MTRR: variants seen among roughly 807,000 people sequenced by gnomAD.
MTRR encodes methionine synthase reductase.
MTRR carries 63 observed loss-of-function variants against 79.2 expected under a neutral mutation model. That is an observed-to-expected ratio of 0.80 (90% confidence interval 0.65 to 0.98). MTRR has a LOEUF of 0.98. MTRR is among the 50% of genes least tolerant of loss of function. MTRR has a pLI of 0.00. For missense variants in MTRR, 895 were observed against 839.6 expected, an observed-to-expected ratio of 1.07 and a Z score of -0.82; for synonymous variants, 355 against 313.3, an observed-to-expected ratio of 1.13 and a Z score of -1.41.
intron 5 of MTRR, among the ~76,000 whole-genome samples, chr5:7,881,305 A>C (rs550636921): frequency 3.3e-5 from 5 of 152,116 alleles, no homozygotes; most frequent in South Asian, 2.1e-4. Context: ...TAGCTAGCCC[A>C]GTGCTTTAGT....
rs1240904766 is a variant in MTRR, at chr5:7,883,259, G to A, written c.885G>A (p.Leu295=). 1 of 1,614,092 alleles carries A rather than the reference G, an allele frequency of 6.2e-7. No homozygotes were observed. The highest frequency in any genetic ancestry group is 8.5e-7 in the Non-Finnish European group (1 of 1,180,046). The part of the protein sequence containing the change: ...TTNDAIKTTL[L]VELDISNTDF... ...ATGATGCCATAAAAACCACTCTGCT[G>A]GTAGAATTGGACATTTCAGTAAGTT... Residue 295 remains leucine (L), a synonymous_variant, in exon 6 of 15, where the codon CTG becomes CTA. Coordinates refer to ENST00000440940, the MANE Select transcript of MTRR (RefSeq NM_002454.3).
chr5:7,857,175 A>T (rs1351707542), intron 1 of MTRR, among the ~76,000 whole-genome samples: 3 of 152,190 alleles, frequency 2.0e-5, no homozygotes, highest in Non-Finnish European at 2.9e-5. Context: ...TTTTGAAAAC[A>T]AATATAGAAA....
chr5:7,861,495 AT>A (rs1191514396), intron 1 of MTRR: 8 of 976,062 alleles, frequency 8.2e-6, no homozygotes, highest in Non-Finnish European at 1.1e-5. Flanking sequence ...AATCATATCT[AT>A]TTTTTTCACC....
At chr5:7,896,275 C>T (rs1738498947) in intron 12 of MTRR, among the ~76,000 whole-genome samples, 2 of 152,196 alleles carry the variant, frequency 1.3e-5, no homozygotes. Flanking sequence ...ATAAGTTTAA[C>T]TTCATATCAG....
chr5:7,884,238 G>A (rs1736046936), intron 6 of MTRR, among the ~76,000 whole-genome samples: 1 of 152,132 alleles, frequency 6.6e-6, no homozygotes, highest in Admixed American at 6.5e-5. Context: ...CAGTGGTTTT[G>A]ATTTCTTGAG....
At position 7,883,166 on chromosome 5, in the gene MTRR, A is replaced by C; in HGVS notation, c.792A>C (p.Gln264His). 6.2e-7 allele frequency: 1 copy of C among 1,614,246 alleles called. No homozygotes were observed. The highest frequency in any genetic ancestry group is 8.5e-7 in the Non-Finnish European group (1 of 1,180,038). ...ATTTGTTTTTCAAGGAGGAAAGCCA[A>C]GTATCTGTGACTTCAGCAGATCCAG... is the stretch of plus-strand genomic sequence containing the variant. ...LQESLGQEESQVSVTSADPVF... is the reference protein window; with the variant it reads ...LQESLGQEESHVSVTSADPVF... Residue 264 changes from glutamine to histidine, a missense_variant, in exon 6 of 15, where the codon CAA becomes CAC. Transcript: ENST00000440940.
intron 5 of MTRR, among the ~76,000 whole-genome samples, chr5:7,881,010 C>G (rs1192020929): frequency 6.6e-6 from 1 of 152,150 alleles, no homozygotes; most frequent in African/African-American, 2.4e-5. Context: ...GTCCCTCCTC[C>G]TAGGGACCTC....
At chr5:7,857,000 A>G (rs1746265857) in intron 1 of MTRR, 1 of 152,084 alleles carries the variant, frequency 6.6e-6, no homozygotes. Context: ...CTCAGAGAGG[A>G]TCCACTCTCT....
At chr5:7,871,850 G>A (rs1344381465) in intron 2 of MTRR, among the ~76,000 whole-genome samples, 2 of 152,212 alleles carry the variant, frequency 1.3e-5, no homozygotes, top group Non-Finnish European at 2.9e-5. Flanking sequence ...AGTAACTTAA[G>A]TTCAGATTGC....
At chr5:7,886,784 A>G (rs1579734126) in intron 8 of MTRR, 81 bp downstream of exon 8, 3 of 1,143,692 alleles carry the variant, frequency 2.6e-6, no homozygotes, top group East Asian at 2.4e-5. Flanking sequence ...AATTTAGAAT[A>G]TGCCCTTTGC....
intron 11 of MTRR, 75 bp downstream of exon 11, chr5:7,892,988 C>T: frequency 6.8e-7 from 1 of 1,469,900 alleles, no homozygotes; most frequent in Non-Finnish European, 9.3e-7. Context: ...AGTGTTGTCT[C>T]ACCCACATCA....
chr5:7,895,209 A>G (rs1249256795), intron 11 of MTRR, among the ~76,000 whole-genome samples: 7 of 152,228 alleles, frequency 4.6e-5, no homozygotes, highest in Non-Finnish European at 8.8e-5. Context: ...TAATTATATG[A>G]TTTGTTTAGT....
chr5:7,893,730 T>G (rs1738037108), intron 11 of MTRR: 1 of 152,226 alleles, frequency 6.6e-6, no homozygotes, highest in Non-Finnish European at 1.5e-5. Flanking sequence ...GTTTGGTTTC[T>G]TTATTAGAGT....
intron 2 of MTRR, chr5:7,862,160 A>T (rs1746597978): frequency 6.6e-6 from 1 of 151,216 alleles, no homozygotes; most frequent in Middle Eastern, 3.4e-3. Flanking sequence ...CTTCGTAAAG[A>T]GAAGAGAAGT....
At chr5:7,853,006 C>T (rs1046606088) in intron 1 of MTRR, among the ~76,000 whole-genome samples, 2 of 152,208 alleles carry the variant, frequency 1.3e-5, no homozygotes, top group Non-Finnish European at 1.5e-5. Context: ...TCAGTTCAGT[C>T]GGTGACATTT....
At chr5:7,859,307 C>T in intron 1 of MTRR, 2 of 506,754 alleles carry the variant, frequency 3.9e-6, no homozygotes, top group Non-Finnish European at 7.0e-6. Flanking sequence ...AGGAAAACTA[C>T]AGATGCTTTC....
At chr5:7,865,734 A>G (rs1746897871), upstream of MTRR, among the ~76,000 whole-genome samples, 1 of 152,196 alleles carries the variant, frequency 6.6e-6, no homozygotes, top group South Asian at 2.1e-4. Context: ...ACAAGAACAC[A>G]AAAATGGGGT....
chr5:7,895,965 A>T, intron 12 of MTRR, 113 bp downstream of exon 12: 1 of 1,320,648 alleles, frequency 7.6e-7, no homozygotes, highest in Non-Finnish European at 1.1e-6. Context: ...AAAAATTATT[A>T]TTCAATGTGC....
At chr5:7,864,410 C>T (rs1459066583), upstream of MTRR, among the ~76,000 whole-genome samples, 1 of 151,818 alleles carries the variant, frequency 6.6e-6, no homozygotes, top group East Asian at 1.9e-4. Flanking sequence ...ATAGGAACCT[C>T]GGAAGTCATA....
Sources: gnomAD v4.1 joint callset for allele counts (sites outside exome capture counted in the v4.1 genomes callset) on GRCh38, gnomAD v4.1.1 for gene constraint, MANE v1.5 for transcripts, NCBI Gene and HGNC (gene_info 2026-07-23, HGNC 2026-07-21) for gene names.